Variants in IARS1 observed in about 807,000 individuals in gnomAD.
IARS1 encodes isoleucine--tRNA ligase, cytoplasmic.
A neutral mutation model predicts 168.2 loss-of-function variants in IARS1; 124 were observed. The observed-to-expected ratio is 0.74, with a 90% CI of 0.64 to 0.86. The LOEUF (loss-of-function observed/expected upper bound fraction) is 0.86, where lower values mean the gene tolerates loss of function less well. Ranked by LOEUF, IARS1 falls within the 40% of genes least tolerant of loss-of-function variation. The pLI is 0.00. For synonymous variants in IARS1, 532 were observed against 529.4 expected (o/e 1.00, Z -0.07); for missense variants, 1,452 against 1,515.8 (o/e 0.96, Z 0.70).
rs751404195 is a variant in IARS1 at position 92,210,876 on chromosome 9, G to A, written c.3720C>T (p.Asp1240=). ...TCATATTCAAAGTCTTCACGGGGAT[G>A]TCTTCTGTAATTTCTAGAATGGAAA... ...NETQTQEITE[D]IPVKTLNMKT... is the part of the protein sequence containing the mutation. The change falls in exon 34 of 34, where the codon GAC becomes GAT. Residue 1240 remains aspartate, a synonymous_variant. Transcript: ENST00000443024. 13 of 1,604,522 alleles carry A rather than the reference G, an allele frequency of 8.1e-6. No individual in the cohort carries two copies. The highest frequency in any genetic ancestry group is 1.1e-5 in the Non-Finnish European group (13 of 1,171,288).
chr9:92,287,723 TA>T (rs1418564100), intron 4 of IARS1, 67 bp downstream of exon 4: 2 of 1,521,240 alleles, frequency 1.3e-6, no homozygotes, highest in Middle Eastern at 1.7e-4. Flanking sequence ...CAAGGGACCA[TA>T]AACCATTTCA....
At chr9:92,259,035 T>TA (rs777009045) in intron 18 of IARS1, 37 bp from the exon 19 acceptor site, 1 of 1,551,550 alleles carries the variant, frequency 6.4e-7, no homozygotes. Context: ...AAAAGGTACT[T>TA]AGACAGTAAA....
intron 24 of IARS1, 98 bp from the exon 25 acceptor site, chr9:92,250,039 G>T: frequency 1.1e-6 from 1 of 898,144 alleles, no homozygotes; most frequent in Non-Finnish European, 1.8e-6. Flanking sequence ...TCAAGCTCTA[G>T]TCAGGCTGGA....
At chr9:92,278,373 G>A in intron 7 of IARS1, 87 bp from the exon 8 acceptor site, 3 of 877,156 alleles carry the variant, frequency 3.4e-6, no homozygotes, top group South Asian at 2.7e-5. Flanking sequence ...CTTTTGTCCT[G>A]AGGAGCTCCT....
chr9:92,282,246 G>A (rs1834697881), intron 6 of IARS1, among the ~76,000 whole-genome samples: 1 of 152,042 alleles, frequency 6.6e-6, no homozygotes, highest in South Asian at 2.1e-4. Context: ...CTAGTTGAAG[G>A]ATATAAAGAA....
intron 33 of IARS1, among the ~76,000 whole-genome samples, chr9:92,213,399 A>G (rs1838093149): frequency 6.6e-6 from 1 of 152,238 alleles, no homozygotes; most frequent in South Asian, 2.1e-4. Context: ...ATCGGTTAAT[A>G]ATGGCCTTCC....
chr9:92,237,878 G>A (rs2133568745), intron 30 of IARS1, among the ~76,000 whole-genome samples: 1 of 152,220 alleles, frequency 6.6e-6, no homozygotes, highest in Middle Eastern at 3.4e-3. Context: ...TGGCTAATGT[G>A]TTTTTAACAA....
intron 30 of IARS1, among the ~76,000 whole-genome samples, chr9:92,238,044 T>C (rs913730884): frequency 6.6e-6 from 1 of 152,152 alleles, no homozygotes; most frequent in Non-Finnish European, 1.5e-5. Flanking sequence ...TAGCTGGGAC[T>C]ATAGGCGCCC....
chr9:92,243,405 T>C, intron 27 of IARS1, 94 bp from the exon 28 acceptor site: 2 of 763,896 alleles, frequency 2.6e-6, no homozygotes, highest in Admixed American at 4.6e-5. Flanking sequence ...GGAGAGTCTA[T>C]AATGCAGCAC....
rs1278148425 is a variant in IARS1, at chr9:92,210,784, C to T, written c.*23G>A. On this transcript the variant is annotated 3_prime_UTR_variant, in exon 34 of 34. Coordinates refer to ENST00000443024, the MANE Select transcript of IARS1 (RefSeq NM_002161.6). ...TAGGTGTAATTAGGGAAGGGCTGAC[C>T]GAACAACATTGATAAGTACATGCTA... 6.7e-6 allele frequency: 10 copies of T among 1,488,120 alleles called. No individual in the cohort carries two copies. Among genetic ancestry groups the T allele is most frequent in the East Asian group, 4.5e-5 (2 of 44,272 alleles). The allele number at this position is 1,488,120 out of a possible 1,614,324, so 92.2% of individuals were successfully genotyped here. A position where few individuals can be genotyped will look rare whatever the true frequency, so the allele number is the denominator to read the frequency against.
At chr9:92,268,792 T>TA (rs1411193901) in intron 13 of IARS1, among the ~76,000 whole-genome samples, 1 of 152,104 alleles carries the variant, frequency 6.6e-6, no homozygotes, top group Non-Finnish European at 1.5e-5. Context: ...CCTTCTCACT[T>TA]AACTGGCTTT....
In IARS1 at chr9:92,210,916, A is replaced by C. The variant is rs772342731; in HGVS notation, c.3707-27T>G. 5.5e-6 allele frequency: 8 copies of C among 1,449,402 alleles called. No individual in the cohort carries two copies. In the African/African-American group the frequency reaches 9.7e-5, roughly 18 times the overall value. 89.8% of individuals were successfully genotyped at this position (1,449,402 alleles called of 1,614,324 possible). A position where few individuals can be genotyped will look rare whatever the true frequency, so the allele number is the denominator to read the frequency against. ...TAGAATGGAAAGAAAAAGTTGAAAA[A>C]AAATCAGTATTTTACCTATTGGGGG... On this transcript the variant is annotated intron_variant, in intron 33 of 33. Coordinates refer to ENST00000443024, the MANE Select transcript of IARS1 (RefSeq NM_002161.6).
intron 24 of IARS1, 97 bp downstream of exon 24, chr9:92,250,090 A>C: frequency 3.3e-6 from 3 of 912,140 alleles, no homozygotes; most frequent in Non-Finnish European, 3.6e-6. Flanking sequence ...AGAAAAGGAA[A>C]AAGGCCATTG....
chr9:92,258,228 C>T (rs1399492995), intron 19 of IARS1, among the ~76,000 whole-genome samples: 1 of 152,212 alleles, frequency 6.6e-6, no homozygotes, highest in Non-Finnish European at 1.5e-5. Context: ...TACTGTATCT[C>T]CCAATTCCCA....
intron 1 of IARS1, among the ~76,000 whole-genome samples, chr9:92,290,238 TAC>T: frequency 6.6e-6 from 1 of 152,346 alleles, no homozygotes; most frequent in Non-Finnish European, 1.5e-5. Flanking sequence ...ATCTTTGAAT[TAC>T]AGTCATTCTA....
At chr9:92,287,347 G>A (rs1051732405) in intron 4 of IARS1, 2 of 153,860 alleles carry the variant, frequency 1.3e-5, no homozygotes, top group African/African-American at 2.4e-5. Context: ...AAAATTAATG[G>A]GGCAACTGCT....
chr9:92,232,874 A>G (rs1338620693), intron 30 of IARS1, among the ~76,000 whole-genome samples: 1 of 152,124 alleles, frequency 6.6e-6, no homozygotes, highest in Non-Finnish European at 1.5e-5. Flanking sequence ...TGCCTTTGAT[A>G]TTTTTAATTA....
intron 6 of IARS1, among the ~76,000 whole-genome samples, chr9:92,285,088 C>T (rs932192951): frequency 2.6e-5 from 4 of 152,146 alleles, no homozygotes; most frequent in Non-Finnish European, 4.4e-5. Flanking sequence ...AACAAGTCAA[C>T]ATCCTTTAAA....
At chr9:92,262,867 G>A (rs1831720831) in intron 17 of IARS1, 102 bp downstream of exon 17, 2 of 784,622 alleles carry the variant, frequency 2.5e-6, no homozygotes, top group South Asian at 1.5e-5. Flanking sequence ...TGGAGACAAA[G>A]CTCCACCTGT....
Sources: allele counts gnomAD v4.1 joint callset (sites outside exome capture counted in the v4.1 genomes callset), GRCh38; gene constraint gnomAD v4.1.1; transcripts MANE v1.5; gene names NCBI Gene and HGNC (gene_info 2026-07-23, HGNC 2026-07-21).